Variants in CUBN observed in about 807,000 individuals in gnomAD.
CUBN encodes cubilin, also known as 460 kDa receptor.
In CUBN, 282 loss-of-function variants were observed where a neutral mutation model predicts 405.3. That is an observed-to-expected ratio of 0.70 (90% CI 0.63 to 0.77). The LOEUF is 0.77. Ranked by LOEUF, CUBN falls within the 30% of genes least tolerant of loss-of-function variation. The probability of loss-of-function intolerance (pLI) is 0.00; values close to 1 mark genes in which losing one functional copy is unlikely to be tolerated. For missense variants in CUBN, 4,514 were observed against 4,475.2 expected (o/e 1.01, Z -0.25); for synonymous variants, 1,684 against 1,617.0 (o/e 1.04, Z -0.99).
chr10:16,973,266 G>A lies in CUBN; in HGVS notation c.4695+9218C>T, dbSNP rs1193415499. ...GCCTCACTGCTGCATTTCTACTGGCGAGACTCTGCCACTTAAATGTCGCCT... is the reference window on the plus strand; with the variant it reads ...GCCTCACTGCTGCATTTCTACTGGCAAGACTCTGCCACTTAAATGTCGCCT... On this transcript the variant is annotated intron_variant, in intron 31 of 66. Coordinates refer to ENST00000377833, the MANE Select transcript of CUBN (RefSeq NM_001081.4). 2.6e-5 allele frequency among the ~76,000 whole-genome samples: 4 copies of A among 152,174 alleles called. No homozygotes were observed. The East Asian group carries it at 5.8e-4, about 22-fold the overall frequency.
chr10:16,922,012 A>G (rs1391566398), intron 43 of CUBN, among the ~76,000 whole-genome samples: 1 of 151,890 alleles, frequency 6.6e-6, no homozygotes, highest in Non-Finnish European at 1.5e-5. Flanking sequence ...TCCTATGGAC[A>G]CTCTGCATCC....
chr10:16,932,677 G>A (rs181470837), intron 40 of CUBN, among the ~76,000 whole-genome samples: 5 of 151,976 alleles, frequency 3.3e-5, no homozygotes, highest in Non-Finnish European at 7.4e-5. Context: ...CCTTCTCCTC[G>A]ACCTCCCAAA....
intron 31 of CUBN, among the ~76,000 whole-genome samples, chr10:16,981,295 C>A (rs1384120135): frequency 6.6e-6 from 1 of 152,162 alleles, no homozygotes; most frequent in Non-Finnish European, 1.5e-5. Context: ...GAAGGCCAGA[C>A]TCCTGCAACC....
intron 29 of CUBN, among the ~76,000 whole-genome samples, chr10:16,985,565 CTG>C (rs933063709): frequency 2.4e-4 from 36 of 152,218 alleles, no homozygotes; most frequent in Admixed American, 1.9e-3. Context: ...CTTGAGCCCT[CTG>C]TGGATGGCAG....
rs1348675599 is a variant in CUBN at position 17,015,982 on chromosome 10, A to G, written c.4168+3851T>C. 2.0e-5 allele frequency among the ~76,000 whole-genome samples: 3 copies of G among 152,098 alleles called. No individual in the cohort carries two copies. In the East Asian group the frequency reaches 5.8e-4, roughly 29 times the overall value. ...GGGTCTGTTCCTCTTGATCCCTATTATAGAACACCGAGGTTACCAGGTTTA... is the reference window on the plus strand; with the variant it reads ...GGGTCTGTTCCTCTTGATCCCTATTGTAGAACACCGAGGTTACCAGGTTTA... On this transcript the variant is annotated intron_variant, in intron 28 of 66. Coordinates refer to ENST00000377833, the MANE Select transcript of CUBN (RefSeq NM_001081.4).
intron 7 of CUBN, 88 bp downstream of exon 7, chr10:17,115,383 G>A (rs1487119778): frequency 1.9e-6 from 3 of 1,540,550 alleles, no homozygotes; most frequent in African/African-American, 2.7e-5. Context: ...TAAGCTCCAG[G>A]TAGTGCTTGT....
chr10:16,933,016 G>T (rs547280322), intron 40 of CUBN, 71 bp downstream of exon 40: 22 of 1,500,844 alleles, frequency 1.5e-5, no homozygotes, highest in Non-Finnish European at 1.9e-5. Flanking sequence ...CAGTATGCAA[G>T]TCTGATGATA....
At chr10:17,038,156 T>C (rs914981131) in intron 27 of CUBN, among the ~76,000 whole-genome samples, 4 of 152,202 alleles carry the variant, frequency 2.6e-5, no homozygotes, top group Non-Finnish European at 5.9e-5. Context: ...ACATGCTCCC[T>C]GTTGACTTAA....
chr10:17,063,047 A>C (rs1835534292), intron 22 of CUBN, among the ~76,000 whole-genome samples: 1 of 152,198 alleles, frequency 6.6e-6, no homozygotes, highest in Non-Finnish European at 1.5e-5. Context: ...CCACTGCCTT[A>C]AAGTACTAGC....
At chr10:17,101,762 G>A (rs568383567) in intron 13 of CUBN, among the ~76,000 whole-genome samples, 1 of 152,238 alleles carries the variant, frequency 6.6e-6, no homozygotes, top group South Asian at 2.1e-4. Flanking sequence ...GAGGTGACTG[G>A]CCTGTGTCTG....
intron 49 of CUBN, among the ~76,000 whole-genome samples, chr10:16,907,285 C>G (rs1841579395): frequency 6.6e-6 from 1 of 152,184 alleles, no homozygotes; most frequent in Admixed American, 6.5e-5. Context: ...AATCTAATAG[C>G]ATTAAAAGTT....
At chr10:17,127,187 T>TCTCTTTCA (rs1837213295) in intron 3 of CUBN, among the ~76,000 whole-genome samples, 1 of 146,540 alleles carries the variant, frequency 6.8e-6, no homozygotes, top group South Asian at 2.1e-4. Context: ...TTTCTCTCTC[T>TCTCTTTCA]CTCTTTCTTT....
At chr10:16,942,456 T>C (rs1259359068) in intron 36 of CUBN, among the ~76,000 whole-genome samples, 2 of 152,116 alleles carry the variant, frequency 1.3e-5, no homozygotes, top group African/African-American at 4.8e-5. Context: ...GATTTATGAA[T>C]GGCCAATAAA....
Position 17,085,691 on chromosome 10 carries a change from C to A in CUBN, c.2016G>T (p.Pro672=), listed in dbSNP as rs148107237. 6.2e-7 allele frequency: 1 copy of A among 1,613,692 alleles called. No homozygotes were observed. The highest frequency in any genetic ancestry group is 2.2e-5 in the East Asian group (1 of 44,876). Residue 672 remains proline, a synonymous_variant, in exon 16 of 67, where the codon CCG becomes CCT. Coordinates refer to ENST00000377833, the MANE Select transcript of CUBN (RefSeq NM_001081.4). ...GKFCTTFSVP[P]LQTTGPFARI... ...TGGCAAAGGGGCCAGTAGTCTGGAG[C>A]GGTGGGACAGAGAAAGTGGTGCAGA...
At chr10:17,004,403 A>G (rs1490136870) in intron 28 of CUBN, among the ~76,000 whole-genome samples, 1 of 152,052 alleles carries the variant, frequency 6.6e-6, no homozygotes, top group East Asian at 1.9e-4. Flanking sequence ...CTGGCCCAAA[A>G]CCTCACCTAA....
intron 59 of CUBN, among the ~76,000 whole-genome samples, chr10:16,863,460 T>C (rs1364716064): frequency 6.6e-6 from 1 of 152,222 alleles, no homozygotes; most frequent in Non-Finnish European, 1.5e-5. Flanking sequence ...TTTATCCAAT[T>C]ATTCAAGTTA....
Position 16,835,179 on chromosome 10 carries a change from A to ATAGTCT in CUBN, c.10191_10196dup (p.Asp3398_Tyr3399insTer). On this transcript the variant is annotated stop_gained, in exon 64 of 67. Transcript: ENST00000377833. LOFTEE classifies it high-confidence loss of function. ...TTCTCAGGTTGCCAAATGCCTTGTG[A>ATAGTCT]TAGTCTCTGTTGCAATCTTAGAGGA... 7 of 1,613,956 alleles carry ATAGTCT rather than the reference A, an allele frequency of 4.3e-6. No individual in the cohort carries two copies. The highest frequency in any genetic ancestry group is 5.9e-6 in the Non-Finnish European group (7 of 1,179,804).
intron 28 of CUBN, among the ~76,000 whole-genome samples, chr10:17,016,944 T>C (rs754954031): frequency 4.7e-4 from 72 of 152,144 alleles, no homozygotes; most frequent in Non-Finnish European, 7.8e-4. Flanking sequence ...AGCTGCAGGA[T>C]AGTATTGTAA....
chr10:16,913,909 C>T lies in CUBN; in HGVS notation c.7435G>A (p.Glu2479Lys), dbSNP rs145799931. Residue 2479 changes from glutamate to lysine, a missense_variant, in exon 48 of 67, where the codon GAG becomes AAG. Physicochemically the swap from Glu to Lys is moderately conservative, Grantham distance 56 (BLOSUM62 1). Transcript: ENST00000377833. ...CCCTCCGGGGCAGTGATTCTCCACT[C>T]GCAGATCCGGCCATGAGGATTTGGG... ...PNPNPHGRIC[E>K]WRITAPEGRR... 1.6e-4 allele frequency: 254 copies of T among 1,614,074 alleles called. No homozygotes were observed. In the Middle Eastern group the frequency reaches 1.6e-3, roughly 10 times the overall value.
Sources: allele counts gnomAD v4.1 joint callset (sites outside exome capture counted in the v4.1 genomes callset), GRCh38; gene constraint gnomAD v4.1.1; transcripts MANE v1.5; gene names NCBI Gene and HGNC (gene_info 2026-07-23, HGNC 2026-07-21).